The following CRAMP1 variants were observed in gnomAD, a reference collection of about 807,000 sequenced individuals.
CRAMP1 encodes the protein cramped chromatin regulator 1, also known as protein cramped-like.
CRAMP1 carries 50 observed loss-of-function variants against 115.4 expected under a neutral mutation model. The observed-to-expected ratio is 0.43, with a 90% confidence interval of 0.35 to 0.55. The LOEUF is 0.55. Ranked by LOEUF, CRAMP1 falls within the 20% of genes least tolerant of loss-of-function variation. The pLI is 0.01. For missense variants in CRAMP1, 1,679 were observed against 1,721.7 expected (o/e 0.98, Z 0.44); for synonymous variants, 866 against 745.4 (o/e 1.16, Z -2.64).
At chr16:1,664,780 A>C (rs2036859718) in intron 13 of CRAMP1, among the ~76,000 whole-genome samples, 1 of 147,436 alleles carries the variant, frequency 6.8e-6, no homozygotes, top group African/African-American at 2.5e-5. Context: ...CACCGTCTCA[A>C]AAAAAAAAAA....
At chr16:1,651,806 CAG>C (rs1241936554) in intron 6 of CRAMP1, among the ~76,000 whole-genome samples, 7 of 144,272 alleles carry the variant, frequency 4.9e-5, no homozygotes, top group South Asian at 2.3e-4. Flanking sequence ...AGAGGTCACA[CAG>C]AGGTCACAGA....
chr16:1,617,192 A>C (rs1471788365), intron 2 of CRAMP1, among the ~76,000 whole-genome samples: 2 of 152,144 alleles, frequency 1.3e-5, no homozygotes, highest in East Asian at 3.9e-4. Context: ...GAGGAGTAGG[A>C]AGTGGGTCTC....
chr16:1,659,030 G>C (rs982009946), intron 10 of CRAMP1, among the ~76,000 whole-genome samples: 3 of 152,082 alleles, frequency 2.0e-5, no homozygotes, highest in Non-Finnish European at 4.4e-5. Context: ...GCGTGGGCCT[G>C]CACATCCCCT....
intron 5 of CRAMP1, among the ~76,000 whole-genome samples, chr16:1,639,694 TTGCTTTC>T (rs1168270783): frequency 1.3e-5 from 2 of 152,212 alleles, no homozygotes; most frequent in African/African-American, 2.4e-5. Context: ...AAATGTCCGA[TTGCTTTC>T]TGCTTTCTGC....
intron 13 of CRAMP1, among the ~76,000 whole-genome samples, chr16:1,664,285 C>G (rs939211967): frequency 6.6e-6 from 1 of 152,222 alleles, no homozygotes; most frequent in Non-Finnish European, 1.5e-5. Context: ...CCTAATTGTT[C>G]ACACACAAAA....
intron 2 of CRAMP1, among the ~76,000 whole-genome samples, chr16:1,615,709 C>G (rs1229243661): frequency 6.6e-6 from 1 of 152,204 alleles, no homozygotes; most frequent in African/African-American, 2.4e-5. Context: ...CTCCATGTGC[C>G]AGTGCTTCAT....
At position 1,614,449 on chromosome 16, in the gene CRAMP1, C is replaced by G. The variant is rs1017079263; in HGVS notation, c.-1-190C>G. ...CCCGGGAGGGTCCCGGGCTGGTGGG[C>G]AGGGCCGGGGGCGGCGGCGTGGGGG... On this transcript the variant is annotated intron_variant, in intron 1 of 20. Transcript: ENST00000397412. The surrounding 1 kb of genome is among the most constrained non-coding windows in gnomAD (Gnocchi z 4.4). Among the ~76,000 whole-genome samples, 1 of 143,232 alleles carries G rather than the reference C, an allele frequency of 7.0e-6. No individual in the cohort carries two copies. Among genetic ancestry groups the G allele is most frequent in the Non-Finnish European group, 1.5e-5 (1 of 64,892 alleles). 94.0% of individuals were successfully genotyped at this position (143,232 alleles called of 152,430 possible).
At chr16:1,655,802 G>A (rs796961018) in intron 9 of CRAMP1, 75 bp from the exon 10 acceptor site, 1 of 1,523,224 alleles carries the variant, frequency 6.6e-7, no homozygotes, top group Non-Finnish European at 8.9e-7. Flanking sequence ...CGTGGCTCGT[G>A]TCTGTACCCA....
intron 6 of CRAMP1, among the ~76,000 whole-genome samples, chr16:1,642,919 G>T (rs745366230): frequency 4.6e-5 from 7 of 152,242 alleles, no homozygotes; most frequent in Non-Finnish European, 1.0e-4. Flanking sequence ...CAGCGGGGGC[G>T]TGGTGGGCAC....
At position 1,672,956 on chromosome 16, in the gene CRAMP1, C is replaced by T. The variant is rs9940875; in HGVS notation, c.3646-925C>T. On this transcript the variant is annotated intron_variant, in intron 20 of 20. Coordinates refer to ENST00000397412, the MANE Select transcript of CRAMP1 (RefSeq NM_020825.4). The surrounding 1 kb of genome is among the most constrained non-coding windows in gnomAD (Gnocchi z 4.9). ...TGCCTGTTGCTTCTTTAAAAAGGAA[C>T]GTACTCCCCATGTGTCCTCATGTCT... Among the ~76,000 whole-genome samples, 13,711 of 152,322 alleles carry T rather than the reference C, an allele frequency of 0.09. 705 individuals carry two copies. The highest frequency in any genetic ancestry group is 0.13 in the African/African-American group (5,448 of 41,558).
At chr16:1,653,984 A>AG in intron 8 of CRAMP1, among the ~76,000 whole-genome samples, 1 of 150,808 alleles carries the variant, frequency 6.6e-6, no homozygotes, top group South Asian at 2.1e-4. Flanking sequence ...TACTAAAAAT[A>AG]CAAAAAAAAT....
chr16:1,641,062 G>T lies in CRAMP1; in HGVS notation c.779-77G>T. 4 of 981,758 alleles carry T rather than the reference G, an allele frequency of 4.1e-6. No homozygotes were observed. The East Asian group carries it at 7.2e-5, about 18-fold the overall frequency. The allele number at this position is 981,758 out of a possible 1,614,324, so 60.8% of individuals were successfully genotyped here. On this transcript the variant is annotated intron_variant, in intron 5 of 20. Transcript: ENST00000397412. ...AATGGGATTTGAGTCTATATTGAGC[G>T]GAATTGTATGGGAATCTTCAGTGGC...
In CRAMP1 at chr16:1,666,586, C is replaced by G; in HGVS notation, c.3022C>G (p.Leu1008Val). 1 of 1,613,860 alleles carries G rather than the reference C, an allele frequency of 6.2e-7. No homozygotes were observed. The highest frequency in any genetic ancestry group is 2.2e-5 in the East Asian group (1 of 44,876). Reference sequence around the variant, plus strand: ...TGGAACTCACCAGGATGGAGACACCCTCCCCACCGTGGGGGTGAGTATGTT... The same window carrying G: ...TGGAACTCACCAGGATGGAGACACCGTCCCCACCGTGGGGGTGAGTATGTT... ...STGTHQDGDT[L>V]PTVGGSDPFV... The change falls in exon 16 of 21, where the codon CTC becomes GTC. Residue 1008 changes from leucine (L) to valine (V), a missense_variant. Leu to Val is a conservative substitution (Grantham distance 32). Transcript: ENST00000397412. This position sits in a 1 kb window ranked among gnomAD's most constrained non-coding sequence, Gnocchi z 5.0.
At position 1,669,359 on chromosome 16, in the gene CRAMP1, T is replaced by C. The variant is rs1248019003; in HGVS notation, c.3499+194T>C. Among the ~76,000 whole-genome samples, 1 of 152,230 alleles carries C rather than the reference T, an allele frequency of 6.6e-6. No individual in the cohort carries two copies. The highest frequency in any genetic ancestry group is 2.4e-5 in the African/African-American group (1 of 41,470). ...TAGGAAAATGTACACATTTTTAGTG[T>C]ACAGTTCACCAAGCTTTGGCAAGCA... is the stretch of plus-strand genomic sequence containing the variant. On this transcript the variant is annotated intron_variant, in intron 19 of 20. Transcript: ENST00000397412. The surrounding 1 kb of genome is among the most constrained non-coding windows in gnomAD (Gnocchi z 4.6).
chr16:1,650,218 C>T (rs1422569874), intron 6 of CRAMP1, among the ~76,000 whole-genome samples: 1 of 152,104 alleles, frequency 6.6e-6, no homozygotes, highest in African/African-American at 2.4e-5. Context: ...ATGGGGATTG[C>T]AGCTTTGTTT....
chr16:1,669,152 C>T lies in CRAMP1; in HGVS notation c.3486C>T (p.Leu1162=). 1 of 1,602,124 alleles carries T rather than the reference C, an allele frequency of 6.2e-7. No homozygotes were observed. The highest frequency in any genetic ancestry group is 1.7e-4 in the Middle Eastern group (1 of 6,018). Residue 1162 remains leucine, a synonymous_variant, in exon 19 of 21, where the codon CTC becomes CTT. Transcript: ENST00000397412. This position sits in a 1 kb window ranked among gnomAD's most constrained non-coding sequence, Gnocchi z 4.6. ...CCAGTGACTCCACCGACTCCTCGCT[C>T]AGCAGCCTGTTTGGTGAGTGTATGG... ...WYPSDSTDSS[L]SSLFASFISP... is the part of the protein sequence containing the mutation.
At position 1,614,678 on chromosome 16, in the gene CRAMP1, C is replaced by T. The variant is rs980268947; in HGVS notation, c.39C>T (p.Asp13=). The T allele has an allele frequency of 3.5e-5, 46 of 1,307,530 alleles. No homozygotes were observed. Among genetic ancestry groups the T allele is most frequent in the Non-Finnish European group, 4.1e-5 (42 of 1,020,882 alleles). The allele number at this position is 1,307,530 out of a possible 1,614,324, so 81.0% of individuals were successfully genotyped here. The change falls in exon 2 of 21, where the codon GAC becomes GAT. Residue 13 remains aspartate (D), a synonymous_variant. Transcript: ENST00000397412. The surrounding 1 kb of genome is among the most constrained non-coding windows in gnomAD (Gnocchi z 4.4). ...TGGGCGACGGCGGCAGCGGGGAGGA[C>T]GGGCTCAAGAAGCTGGGCAAGCGGG... ...VKLGDGGSGE[D]GLKKLGKRAA... is the part of the protein sequence containing the mutation.
intron 10 of CRAMP1, 128 bp downstream of exon 10, chr16:1,657,120 C>T: frequency 1.2e-6 from 1 of 869,040 alleles, no homozygotes; most frequent in South Asian, 2.1e-5. Flanking sequence ...GGTCCTGTGG[C>T]AGGGGGCCAG....
In CRAMP1 at chr16:1,668,017, T is replaced by C. The variant is rs1011578658; in HGVS notation, c.3158T>C (p.Leu1053Pro). ...ELPKAPLQNG[L>P]SIPLSSSESS... Reference sequence around the variant, plus strand: ...CCCAAGGCCCCTCTCCAGAATGGCCTCTCCATACCGCTGTCCTCGTCAGAG... The same window carrying C: ...CCCAAGGCCCCTCTCCAGAATGGCCCCTCCATACCGCTGTCCTCGTCAGAG... Residue 1053 changes from leucine (L) to proline (P), a missense_variant, in exon 18 of 21, where the codon CTC becomes CCC. This residue lies in a region of CRAMP1 where 709 missense variants were observed against 741.9 expected (regional missense o/e 0.96). Coordinates refer to ENST00000397412, the MANE Select transcript of CRAMP1 (RefSeq NM_020825.4). 1 of 1,613,814 alleles carries C rather than the reference T, an allele frequency of 6.2e-7. No individual in the cohort carries two copies. Among genetic ancestry groups the C allele is most frequent in the African/African-American group, 1.3e-5 (1 of 75,024 alleles).
Sources: gnomAD v4.1 joint callset for allele counts (sites outside exome capture counted in the v4.1 genomes callset) on GRCh38, gnomAD v4.1.1 for gene constraint, gnomAD v4.1.1 regional missense constraint, Gnocchi (gnomAD v3.1) non-coding constraint, MANE v1.5 for transcripts, NCBI Gene and HGNC (gene_info 2026-07-23, HGNC 2026-07-21) for gene names.